Variants in DPP7 observed in about 807,000 individuals in gnomAD.
DPP7 encodes the protein dipeptidyl peptidase 7.
DPP7 carries 74 observed loss-of-function variants against 58.8 expected under a neutral mutation model. That is an observed-to-expected ratio of 1.26 (90% confidence interval 1.04 to 1.53). The LOEUF (loss-of-function observed/expected upper bound fraction) is 1.53. DPP7 is among the 40% of genes most tolerant of loss of function. DPP7 has a pLI of 0.00. For synonymous variants in DPP7, 350 were observed against 303.6 expected, an observed-to-expected ratio of 1.15 and a Z score of -1.59; for missense variants, 807 against 692.3, an observed-to-expected ratio of 1.17 and a Z score of -1.86.
Position 137,111,983 on chromosome 9 carries a change from T to C in DPP7, c.1097A>G (p.Asp366Gly), listed in dbSNP as rs776160808. 13 of 1,612,184 alleles carry C rather than the reference T, an allele frequency of 8.1e-6. No individual in the cohort carries two copies. The highest frequency in any genetic ancestry group is 2.7e-5 in the African/African-American group (2 of 74,254). Residue 366 changes from aspartate (D) to glycine (G), a missense_variant, in exon 10 of 13, where the codon GAT becomes GGT. By Grantham distance (94) the Asp-to-Gly change is moderately conservative (BLOSUM62 -1). Transcript: ENST00000371579. ...NLTFASNNVT[D>G]MFPDLPFTDE... ...AGTGAAGGGCAGGTCCGGGAACATATCGGTCACATTGTTGCTGGCGAAGGT... is the reference window on the plus strand; with the variant it reads ...AGTGAAGGGCAGGTCCGGGAACATACCGGTCACATTGTTGCTGGCGAAGGT...
At position 137,113,263 on chromosome 9, in the gene DPP7, AT is replaced by A. The variant is rs769401772; in HGVS notation, c.645del (p.Lys215AsnfsTer41). Reference protein sequence around the residue: ...VTADFEGQSPKCTQGVREAFR... With the variant: ...VTADFEGQSPXCTQGVREAFR... ...AACGCTTCCCGCACACCCTGGGTGC[AT>A]TTGGGACTCTGGCCCTCAAAGTCCT... On this transcript the variant is annotated frameshift_variant, in exon 6 of 13. Transcript: ENST00000371579. LOFTEE classifies it high-confidence loss of function. 6.2e-7 allele frequency: 1 copy of A among 1,613,760 alleles called. No individual in the cohort carries two copies. The highest frequency in any genetic ancestry group is 1.1e-5 in the South Asian group (1 of 91,080).
At position 137,111,878 on chromosome 9, in the gene DPP7, C is replaced by T. The variant is rs1195932517; in HGVS notation, c.1202G>A (p.Gly401Glu). 2 of 1,609,358 alleles carry T rather than the reference C, an allele frequency of 1.2e-6. No homozygotes were observed. The highest frequency in any genetic ancestry group is 1.1e-5 in the South Asian group (1 of 90,920). The change falls in exon 10 of 13, where the codon GGG becomes GAG. Residue 401 changes from glycine (G) to glutamate (E), a missense_variant. This residue lies in a region of DPP7 where 624 missense variants were observed against 531.2 expected (regional missense o/e 1.17). Coordinates refer to ENST00000371579, the MANE Select transcript of DPP7 (RefSeq NM_013379.3). ...RPDWLLTSFW[G>E]GDLRAASNII... ...CCACCCCCCCTCAGCCTTACCACCCCCCCAGAAGCTGGTCAGCAGCCAGTC... is the reference window on the plus strand; with the variant it reads ...CCACCCCCCCTCAGCCTTACCACCCTCCCAGAAGCTGGTCAGCAGCCAGTC...
At chr9:137,112,308 C>T (rs1831412748) in intron 8 of DPP7, 78 bp from the exon 9 acceptor site, 12 of 1,207,226 alleles carry the variant, frequency 9.9e-6, no homozygotes, top group African/African-American at 3.0e-5. Flanking sequence ...TGTCCCCCCT[C>T]GGAATGGTCC....
upstream of DPP7, among the ~76,000 whole-genome samples, chr9:137,117,794 T>C (rs1284191961): frequency 6.6e-6 from 1 of 152,194 alleles, no homozygotes; most frequent in African/African-American, 2.4e-5. Context: ...GTGTGAAATT[T>C]GGTGGCATTA....
intron 7 of DPP7, 61 bp from the exon 8 acceptor site, chr9:137,112,866 C>T (rs1831445450): frequency 3.7e-6 from 6 of 1,601,294 alleles, no homozygotes; most frequent in Non-Finnish European, 5.1e-6. Flanking sequence ...GCCTCCCTGG[C>T]TCCCAGGATG....
At position 137,110,978 on chromosome 9, in the gene DPP7, G is replaced by A. The variant is rs187137150; in HGVS notation, c.1273-28C>T. ...GTGGTCAGTGGAAAGAACTCCATCAGGTGAGGAACGAGGCAACTGCCCAGC... is the reference window on the plus strand; with the variant it reads ...GTGGTCAGTGGAAAGAACTCCATCAAGTGAGGAACGAGGCAACTGCCCAGC... On this transcript the variant is annotated intron_variant, in intron 11 of 12. Coordinates refer to ENST00000371579, the MANE Select transcript of DPP7 (RefSeq NM_013379.3). 896 of 1,609,446 alleles carry A rather than the reference G, an allele frequency of 5.6e-4. 11 individuals are homozygous for A. The African/African-American group carries it at 0.011, about 20-fold the overall frequency.
chr9:137,113,783 A>G, intron 4 of DPP7, 82 bp downstream of exon 4: 1 of 1,215,136 alleles, frequency 8.2e-7, no homozygotes, highest in Non-Finnish European at 1.1e-6. Flanking sequence ...GGTGGGAGTC[A>G]GAGGGGAGTG....
rs904756689 is a variant in DPP7 at position 137,114,446 on chromosome 9, C to T, written c.181+17G>A. 1.7e-5 allele frequency: 26 copies of T among 1,558,332 alleles called. No homozygotes were observed. The highest frequency in any genetic ancestry group is 2.1e-5 in the Non-Finnish European group (24 of 1,152,108). On this transcript the variant is annotated intron_variant, in intron 2 of 12. Coordinates refer to ENST00000371579, the MANE Select transcript of DPP7 (RefSeq NM_013379.3). ...GGCGGGACGGCGGGGGCGGCCGGGC[C>T]GGGGCCGGGGTCTCACCCGACACCA...
At chr9:137,112,714 A>G (rs1317072429) in intron 8 of DPP7, 31 bp downstream of exon 8, 2 of 1,582,244 alleles carry the variant, frequency 1.3e-6, no homozygotes, top group Admixed American at 1.8e-5. Flanking sequence ...GGGTCTCCAC[A>G]CTTGCCCATC....
upstream of DPP7, chr9:137,114,971 C>T: frequency 3.2e-6 from 1 of 316,494 alleles, no homozygotes; most frequent in Admixed American, 5.0e-5. Context: ...GCTCGTCCTC[C>T]TACCGCGGCC....
At chr9:137,114,987 C>T (rs11146000), upstream of DPP7, 60,374 of 300,568 alleles carry the variant, frequency 0.2, 6,691 homozygotes, top group East Asian at 0.28. Flanking sequence ...CGGCCCCATC[C>T]GGAGCTGCGC....
rs1270313707 is a variant in DPP7 at position 137,113,960 on chromosome 9, C to G, written c.390G>C (p.Thr130=). 4 of 1,586,930 alleles carry G rather than the reference C, an allele frequency of 2.5e-6. No homozygotes were observed. Among genetic ancestry groups the G allele is most frequent in the African/African-American group, 2.7e-5 (2 of 74,242 alleles). Residue 130 remains threonine, a synonymous_variant, in exon 4 of 13, where the codon ACG becomes ACC. Coordinates refer to ENST00000371579, the MANE Select transcript of DPP7 (RefSeq NM_013379.3). ...CGAAGTCGGCCAGGGCCTGCTCCAC[C>G]GTCAGCAGCTCCGTGTGCCCGCGCT... is the stretch of plus-strand genomic sequence containing the variant. ...STQRGHTELL[T]VEQALADFAE...
chr9:137,113,635 C>A, intron 4 of DPP7, 139 bp from the exon 5 acceptor site: 1 of 1,430,346 alleles, frequency 7.0e-7, no homozygotes, highest in Non-Finnish European at 9.1e-7. Flanking sequence ...GGTGCGGGTG[C>A]AGCTCTCACT....
At position 137,113,997 on chromosome 9, in the gene DPP7, G is replaced by C. The variant is rs549765115; in HGVS notation, c.353C>G (p.Ala118Gly). 14 of 1,543,580 alleles carry C rather than the reference G, an allele frequency of 9.1e-6. No individual in the cohort carries two copies. The African/African-American group carries it at 2.0e-4, about 22-fold the overall frequency. The change falls in exon 4 of 13, where the codon GCG becomes GGG. Residue 118 changes from alanine to glycine, a missense_variant. Coordinates refer to ENST00000371579, the MANE Select transcript of DPP7 (RefSeq NM_013379.3). ...CGTGTGCCCGCGCTGCGTGGACTGC[G>C]CACCGAACGGCAGCGACTTCCCGTA... ...RYYGKSLPFGAQSTQRGHTEL... is the reference protein window; with the variant it reads ...RYYGKSLPFGGQSTQRGHTEL...
upstream of DPP7, among the ~76,000 whole-genome samples, chr9:137,115,515 G>A (rs1346051505): frequency 1.3e-5 from 2 of 152,172 alleles, no homozygotes; most frequent in Non-Finnish European, 2.9e-5. Flanking sequence ...TACATGGGCC[G>A]CTAGCCAGGC....
At chr9:137,115,667 C>T (rs1263282738), upstream of DPP7, among the ~76,000 whole-genome samples, 1 of 152,122 alleles carries the variant, frequency 6.6e-6, no homozygotes, top group African/African-American at 2.4e-5. Flanking sequence ...TTCCACAGCC[C>T]CTCACGCCAT....
In DPP7 at chr9:137,114,014, C is replaced by T; in HGVS notation, c.336G>A (p.Lys112=). Residue 112 remains lysine, a synonymous_variant, in exon 4 of 13, where the codon AAG becomes AAA. Transcript: ENST00000371579. ...TGGACTGCGCACCGAACGGCAGCGA[C>T]TTCCCGTAGTAGCGCTGGGGGAACG... is the stretch of plus-strand genomic sequence containing the variant. ...LVFAEHRYYG[K]SLPFGAQSTQ... is the part of the protein sequence containing the mutation. 6.6e-7 allele frequency: 1 copy of T among 1,512,466 alleles called. No homozygotes were observed. The highest frequency in any genetic ancestry group is 8.9e-7 in the Non-Finnish European group (1 of 1,128,160). The allele number at this position is 1,512,466 out of a possible 1,614,324, so 93.7% of individuals were successfully genotyped here. A position where few individuals can be genotyped will look rare whatever the true frequency, so the allele number is the denominator to read the frequency against.
upstream of DPP7, among the ~76,000 whole-genome samples, chr9:137,115,387 C>T (rs907292991): frequency 6.6e-6 from 1 of 152,168 alleles, no homozygotes; most frequent in Non-Finnish European, 1.5e-5. Flanking sequence ...GGCCTCCTCC[C>T]TGGGGAGCAC....
Position 137,114,693 on chromosome 9 carries a change from G to GGCCCAGGGAGCGGA in DPP7, c.7_20dup (p.Val9LeufsTer126). 7.5e-7 allele frequency: 1 copy of GGCCCAGGGAGCGGA among 1,332,362 alleles called. No individual in the cohort carries two copies. The highest frequency in any genetic ancestry group is 3.1e-5 in the East Asian group (1 of 31,850). 82.5% of individuals were successfully genotyped at this position (1,332,362 alleles called of 1,614,324 possible). ...GCCCGAGCGCCAGCAGCAGGACCGG[G>GGCCCAGGGAGCGGA]GCCCAGGGAGCGGAGCCCATGTCGC... On this transcript the variant is annotated frameshift_variant, in exon 1 of 13. Transcript: ENST00000371579. LOFTEE classifies it high-confidence loss of function.
Sources: gnomAD v4.1 joint callset for allele counts (sites outside exome capture counted in the v4.1 genomes callset) on GRCh38, gnomAD v4.1.1 for gene constraint, gnomAD v4.1.1 regional missense constraint, MANE v1.5 for transcripts, NCBI Gene and HGNC (gene_info 2026-07-23, HGNC 2026-07-21) for gene names.